Variants in SLC1A7 observed in about 807,000 individuals in gnomAD.
SLC1A7 encodes the protein solute carrier family 1 member 7.
A neutral mutation model predicts 47.7 loss-of-function variants in SLC1A7; 40 were observed. That is an observed-to-expected ratio of 0.84 (90% confidence interval 0.65 to 1.09). SLC1A7 has a LOEUF of 1.09. Ranked by LOEUF, SLC1A7 falls within the 50% of genes least tolerant of loss-of-function variation. The pLI, the probability that SLC1A7 is intolerant of heterozygous loss-of-function variation, is 0.00. For missense variants in SLC1A7, 746 were observed against 769.5 expected (o/e 0.97, Z 0.36); for synonymous variants, 323 against 325.6 (o/e 0.99, Z 0.09).
chr1:53,089,949 A>G lies in SLC1A7; in HGVS notation c.1227-15T>C. 2 of 1,612,320 alleles carry G rather than the reference A, an allele frequency of 1.2e-6. No individual in the cohort carries two copies. Among genetic ancestry groups the G allele is most frequent in the Non-Finnish European group, 1.7e-6 (2 of 1,179,494 alleles). On this transcript the variant is annotated splice_polypyrimidine_tract_variant and intron_variant, in intron 8 of 10. Coordinates refer to ENST00000371494, the MANE Select transcript of SLC1A7 (RefSeq NM_006671.6). ...TGGCTGTGATACTGCAGGGGGTGGGAAGGGGAAGAGGAGCAGCAGGAGGGG... is the reference window on the plus strand; with the variant it reads ...TGGCTGTGATACTGCAGGGGGTGGGGAGGGGAAGAGGAGCAGCAGGAGGGG...
At chr1:53,111,568 T>C (rs1277525401) in intron 3 of SLC1A7, among the ~76,000 whole-genome samples, 1 of 152,034 alleles carries the variant, frequency 6.6e-6, no homozygotes, top group Non-Finnish European at 1.5e-5. Flanking sequence ...GGATTTGGTT[T>C]TCAAGGTAGA....
intron 5 of SLC1A7, among the ~76,000 whole-genome samples, chr1:53,102,076 G>T (rs941746821): frequency 1.3e-5 from 2 of 152,252 alleles, no homozygotes; most frequent in Non-Finnish European, 2.9e-5. Context: ...CTTCTCTTAT[G>T]TTCCCAGCCC....
chr1:53,121,778 G>T (rs528833639), intron 2 of SLC1A7, among the ~76,000 whole-genome samples: 5 of 152,198 alleles, frequency 3.3e-5, no homozygotes, highest in African/African-American at 7.2e-5. Context: ...CTGCACACGT[G>T]GGGAGGGGAC....
chr1:53,098,870 C>T (rs974910032), intron 5 of SLC1A7, among the ~76,000 whole-genome samples: 2 of 151,424 alleles, frequency 1.3e-5, no homozygotes, highest in Non-Finnish European at 2.9e-5. Flanking sequence ...TGCCTCATTA[C>T]ACTCACACTG....
intron 6 of SLC1A7, 135 bp downstream of exon 6, chr1:53,093,326 C>T: frequency 4.2e-6 from 3 of 710,930 alleles, no homozygotes; most frequent in South Asian, 3.6e-5. Flanking sequence ...ACACATGTAG[C>T]TCCGGAGGCC....
chr1:53,133,317 G>A (rs56047272), intron 2 of SLC1A7, among the ~76,000 whole-genome samples: 10,623 of 152,270 alleles, frequency 0.07, 429 homozygotes, highest in Middle Eastern at 0.14. Context: ...GGCTTCCTGA[G>A]GGAGGTAGCA....
chr1:53,094,983 GCTCA>G (rs1644469210), intron 5 of SLC1A7, among the ~76,000 whole-genome samples: 2 of 152,254 alleles, frequency 1.3e-5, no homozygotes, highest in African/African-American at 2.4e-5. Flanking sequence ...GTGCTAGTGT[GCTCA>G]CTCACACACG....
At chr1:53,102,543 G>A in intron 5 of SLC1A7, 1 of 152,794 alleles carries the variant, frequency 6.5e-6, no homozygotes, top group Non-Finnish European at 1.5e-5. Context: ...GCTGAGGGTT[G>A]TGCGGAGAGG....
At chr1:53,127,688 TTGA>T (rs1644898013) in intron 2 of SLC1A7, among the ~76,000 whole-genome samples, 2 of 152,196 alleles carry the variant, frequency 1.3e-5, no homozygotes, top group Admixed American at 1.3e-4. Context: ...CCTGCTGGCC[TTGA>T]TGACCTACAG....
At chr1:53,099,911 C>T (rs1308847333) in intron 5 of SLC1A7, among the ~76,000 whole-genome samples, 1 of 150,378 alleles carries the variant, frequency 6.6e-6, no homozygotes. Flanking sequence ...CAACTCAGTA[C>T]ACTCAGAAAC....
In SLC1A7 at chr1:53,125,250, C is replaced by T. The variant is rs76881962; in HGVS notation, c.215+9100G>A. 6.4e-3 allele frequency among the ~76,000 whole-genome samples: 980 copies of T among 152,276 alleles called. 18 individuals carry two copies. The highest frequency in any genetic ancestry group is 0.023 in the African/African-American group (941 of 41,552). On this transcript the variant is annotated intron_variant, in intron 2 of 10. Transcript: ENST00000371494. ...AGAATTTTCTAATTTTTGTCCAAGG[C>T]GTCTCTGTTCCTGGGTGGACAGAGC...
intron 7 of SLC1A7, among the ~76,000 whole-genome samples, chr1:53,091,680 G>C (rs75990890): frequency 0.085 from 12,906 of 152,224 alleles, 1,104 homozygotes; most frequent in East Asian, 0.26. Flanking sequence ...GCTGGGTACA[G>C]AGGCCTGCAG....
chr1:53,137,589 A>C (rs1204233112), intron 1 of SLC1A7, among the ~76,000 whole-genome samples: 1 of 152,216 alleles, frequency 6.6e-6, no homozygotes, highest in Non-Finnish European at 1.5e-5. Flanking sequence ...ATCGCCAAAC[A>C]GTGTTTACCA....
intron 3 of SLC1A7, among the ~76,000 whole-genome samples, chr1:53,106,985 T>C (rs1214969428): frequency 2.6e-5 from 4 of 151,672 alleles, no homozygotes; most frequent in African/African-American, 7.3e-5. Context: ...CGAAACCCCG[T>C]CTCTACTAAA....
At chr1:53,131,153 A>G (rs979656711) in intron 2 of SLC1A7, among the ~76,000 whole-genome samples, 1 of 152,130 alleles carries the variant, frequency 6.6e-6, no homozygotes, top group Admixed American at 6.5e-5. Flanking sequence ...CAGCCAAGAG[A>G]ACACTGAGTC....
intron 10 of SLC1A7, 35 bp downstream of exon 10, chr1:53,088,842 C>G: frequency 6.4e-7 from 1 of 1,571,226 alleles, no homozygotes; most frequent in Non-Finnish European, 8.7e-7. Context: ...CGTGGCTCCA[C>G]CCTCCTGGCA....
intron 10 of SLC1A7, 31 bp downstream of exon 10, chr1:53,088,846 C>T (rs776509066): frequency 1.9e-6 from 3 of 1,583,600 alleles, no homozygotes; most frequent in South Asian, 2.2e-5. Flanking sequence ...GCTCCACCCT[C>T]CTGGCAGCCT....
At chr1:53,096,942 G>A (rs548473696) in intron 5 of SLC1A7, among the ~76,000 whole-genome samples, 2 of 136,316 alleles carry the variant, frequency 1.5e-5, no homozygotes, top group African/African-American at 5.7e-5. Flanking sequence ...ACACCACCTC[G>A]GTACACTCAC....
chr1:53,120,285 G>A (rs759435749), intron 2 of SLC1A7, among the ~76,000 whole-genome samples: 1 of 152,152 alleles, frequency 6.6e-6, no homozygotes, highest in Non-Finnish European at 1.5e-5. Flanking sequence ...GGGCAGCTCT[G>A]CCATTTGCCA....
Sources: gnomAD v4.1 joint callset for allele counts (sites outside exome capture counted in the v4.1 genomes callset) on GRCh38, gnomAD v4.1.1 for gene constraint, MANE v1.5 for transcripts, NCBI Gene and HGNC (gene_info 2026-07-23, HGNC 2026-07-21) for gene names.